Variants in DOCK3 observed in about 807,000 individuals in gnomAD.
DOCK3 encodes dedicator of cytokinesis 3, also known as dedicator of cytokinesis protein 3.
DOCK3 carries 60 observed loss-of-function variants against 265.6 expected under a neutral mutation model. The ratio of observed to expected loss-of-function variants is 0.23; its 90% confidence interval spans 0.18 to 0.28. DOCK3 has a LOEUF of 0.28. Ranked by LOEUF, DOCK3 falls within the 10% of genes least tolerant of loss-of-function variation. The pLI, the probability that DOCK3 is intolerant of heterozygous loss-of-function variation, is 1.00. For synonymous variants in DOCK3, 881 were observed against 938.0 expected (o/e 0.94, Z 1.11); for missense variants, 1,981 against 2,594.3 (o/e 0.76, Z 5.14).
At chr3:51,295,474 G>A (rs2109246419) in intron 27 of DOCK3, among the ~76,000 whole-genome samples, 1 of 152,176 alleles carries the variant, frequency 6.6e-6, no homozygotes, top group Non-Finnish European at 1.5e-5. Context: ...TCCAACATTG[G>A]GGATGAGATT....
chr3:50,741,146 A>T (rs905921806), intron 1 of DOCK3, among the ~76,000 whole-genome samples: 5 of 151,212 alleles, frequency 3.3e-5, no homozygotes, highest in African/African-American at 1.2e-4. Flanking sequence ...TATATATATT[A>T]TATATATGTA....
intron 2 of DOCK3, among the ~76,000 whole-genome samples, chr3:50,800,858 T>TA (rs755120444): frequency 6.6e-6 from 1 of 152,198 alleles, no homozygotes; most frequent in Non-Finnish European, 1.5e-5. Context: ...TTTGGGATCT[T>TA]ACGATTCTAT....
chr3:51,248,450 C>T (rs2078946239), intron 22 of DOCK3, among the ~76,000 whole-genome samples: 1 of 152,224 alleles, frequency 6.6e-6, no homozygotes, highest in African/African-American at 2.4e-5. Flanking sequence ...CAGCCTCGGC[C>T]TCCTGAGGTG....
At chr3:50,883,488 G>C (rs1311955150) in intron 3 of DOCK3, among the ~76,000 whole-genome samples, 1 of 151,688 alleles carries the variant, frequency 6.6e-6, no homozygotes, top group African/African-American at 2.4e-5. Flanking sequence ...TTTTCTTTCT[G>C]CTTAGAGAAT....
chr3:51,370,884 A>G (rs1281459005), intron 49 of DOCK3, among the ~76,000 whole-genome samples: 2 of 152,176 alleles, frequency 1.3e-5, no homozygotes. Flanking sequence ...GCTCACATAC[A>G]TGGCTGGCAA....
intron 9 of DOCK3, among the ~76,000 whole-genome samples, chr3:51,135,700 A>G (rs2084759635): frequency 6.6e-6 from 1 of 151,918 alleles, no homozygotes; most frequent in Admixed American, 6.6e-5. Context: ...GCTATCCAGT[A>G]CTCTTTTTTT....
intron 1 of DOCK3, among the ~76,000 whole-genome samples, chr3:50,683,842 C>G (rs1306647639): frequency 5.2e-5 from 6 of 116,018 alleles, no homozygotes; most frequent in African/African-American, 1.3e-4. Context: ...CTCCTCCCCC[C>G]CCCCCACCCA....
At chr3:51,096,183 C>G (rs543096616) in intron 9 of DOCK3, among the ~76,000 whole-genome samples, 1 of 152,260 alleles carries the variant, frequency 6.6e-6, no homozygotes, top group Non-Finnish European at 1.5e-5. Flanking sequence ...GTTGGCCTTT[C>G]TTACTAGGTT....
intron 38 of DOCK3, among the ~76,000 whole-genome samples, chr3:51,343,158 T>C (rs1395801229): frequency 7.9e-5 from 12 of 152,038 alleles, no homozygotes. Context: ...GCAGGGATGT[T>C]TAGCACCAAG....
intron 6 of DOCK3, among the ~76,000 whole-genome samples, chr3:51,069,605 A>G (rs943189909): frequency 6.6e-6 from 1 of 150,804 alleles, no homozygotes; most frequent in Non-Finnish European, 1.5e-5. Flanking sequence ...TATATATATA[A>G]ATTTCTGGTT....
chr3:50,931,729 A>G (rs554371855), intron 4 of DOCK3, among the ~76,000 whole-genome samples: 29 of 152,260 alleles, frequency 1.9e-4, no homozygotes, highest in African/African-American at 6.5e-4. Flanking sequence ...GATCACCACA[A>G]TATTTGGGGT....
chr3:50,866,062 C>T (rs1334216630), intron 3 of DOCK3, among the ~76,000 whole-genome samples: 1 of 151,780 alleles, frequency 6.6e-6, no homozygotes, highest in Non-Finnish European at 1.5e-5. Context: ...TTAATATTTT[C>T]TCTTATTCTG....
chr3:51,293,580 A>G (rs766922143), intron 27 of DOCK3, among the ~76,000 whole-genome samples: 6 of 152,208 alleles, frequency 3.9e-5, no homozygotes, highest in Non-Finnish European at 8.8e-5. Flanking sequence ...TATGATCCCT[A>G]AAGCACTGGC....
At chr3:51,155,352 A>C (rs1339490190) in intron 10 of DOCK3, among the ~76,000 whole-genome samples, 1 of 152,164 alleles carries the variant, frequency 6.6e-6, no homozygotes, top group African/African-American at 2.4e-5. Flanking sequence ...TTTCTGAACA[A>C]GATTATCTTA....
chr3:51,029,827 C>T (rs1256074785), intron 5 of DOCK3, among the ~76,000 whole-genome samples: 1 of 152,160 alleles, frequency 6.6e-6, no homozygotes, highest in Non-Finnish European at 1.5e-5. Context: ...AGTGGTACCA[C>T]ATGTGCACAG....
chr3:50,848,877 A>T (rs1422876898), intron 3 of DOCK3, among the ~76,000 whole-genome samples: 6 of 152,116 alleles, frequency 3.9e-5, no homozygotes, highest in Non-Finnish European at 5.9e-5. Flanking sequence ...TATTTCCTCA[A>T]ATGTGTTTTC....
Position 51,380,244 on chromosome 3 carries a change from G to A in DOCK3, c.5583+37G>A, listed in dbSNP as rs188299841. 4 of 1,589,054 alleles carry A rather than the reference G, an allele frequency of 2.5e-6. No homozygotes were observed. In the Admixed American group the frequency reaches 5.1e-5, roughly 20 times the overall value. On this transcript the variant is annotated intron_variant, in intron 52 of 52. Transcript: ENST00000266037. Reference sequence around the variant, plus strand: ...AAGCGGCAGCCCCACCAGGCTGTGAGATGAGTCATCTCGTCTGCTCTAGAA... The same window carrying A: ...AAGCGGCAGCCCCACCAGGCTGTGAAATGAGTCATCTCGTCTGCTCTAGAA...
At chr3:50,908,157 C>G (rs1468659102) in intron 4 of DOCK3, among the ~76,000 whole-genome samples, 1 of 148,848 alleles carries the variant, frequency 6.7e-6, no homozygotes. Flanking sequence ...TTTCAAAAAA[C>G]CATCTTCCAG....
At chr3:50,727,847 A>C (rs533593434) in intron 1 of DOCK3, among the ~76,000 whole-genome samples, 1 of 152,354 alleles carries the variant, frequency 6.6e-6, no homozygotes, top group South Asian at 2.1e-4. Context: ...AGAGATAGAC[A>C]CATCTATAAT....
Sources: allele counts gnomAD v4.1 joint callset (sites outside exome capture counted in the v4.1 genomes callset), GRCh38; gene constraint gnomAD v4.1.1; transcripts MANE v1.5; gene names NCBI Gene and HGNC (gene_info 2026-07-23, HGNC 2026-07-21).